Variants in PTPRN2 observed in about 807,000 individuals in gnomAD.
PTPRN2 encodes the protein receptor-type tyrosine-protein phosphatase N2.
PTPRN2 carries 74 observed loss-of-function variants against 118.8 expected under a neutral mutation model. The observed-to-expected ratio is 0.62, with a 90% CI of 0.52 to 0.76. The LOEUF (loss-of-function observed/expected upper bound fraction) is 0.76. Among genes scored for constraint, PTPRN2 ranks in the 30% least tolerant of loss-of-function variants. PTPRN2 has a pLI of 0.00. For synonymous variants in PTPRN2, 641 were observed against 608.0 expected, an observed-to-expected ratio of 1.05 and a Z score of -0.80; for missense variants, 1,481 against 1,394.4, an observed-to-expected ratio of 1.06 and a Z score of -0.99.
chr7:158,081,506 G>C, intron 10 of PTPRN2, 129 bp from the exon 11 acceptor site: 2 of 810,766 alleles, frequency 2.5e-6, no homozygotes, highest in Non-Finnish European at 4.1e-6. Context: ...GGCTCCAGGC[G>C]TCGACTCCAC....
At chr7:158,146,802 C>T (rs578203829) in intron 6 of PTPRN2, among the ~76,000 whole-genome samples, 2 of 151,816 alleles carry the variant, frequency 1.3e-5, no homozygotes, top group Admixed American at 1.3e-4. Context: ...ATTGTTCTCA[C>T]ACCAGCACAG....
At chr7:158,021,468 A>T (rs1337442945) in intron 11 of PTPRN2, among the ~76,000 whole-genome samples, 1 of 152,150 alleles carries the variant, frequency 6.6e-6, no homozygotes, top group Non-Finnish European at 1.5e-5. Flanking sequence ...GTGTGTATGC[A>T]CCCACGCACA....
intron 11 of PTPRN2, among the ~76,000 whole-genome samples, chr7:157,928,755 A>T (rs1180887691): frequency 6.9e-6 from 1 of 145,172 alleles, no homozygotes; most frequent in Non-Finnish European, 1.5e-5. Context: ...AGGGTGGGAG[A>T]TAGGGATGGG....
At chr7:157,595,688 G>A (rs897311824) in intron 16 of PTPRN2, among the ~76,000 whole-genome samples, 2 of 152,110 alleles carry the variant, frequency 1.3e-5, no homozygotes, top group African/African-American at 2.4e-5. Flanking sequence ...AGGGAGCCTG[G>A]AGGTTAGGAA....
intron 2 of PTPRN2, among the ~76,000 whole-genome samples, chr7:158,333,281 C>G (rs1304536647): frequency 7.5e-6 from 1 of 133,650 alleles, no homozygotes; most frequent in Admixed American, 7.1e-5. Context: ...CACACCCACA[C>G]TCTCACCATA....
intron 2 of PTPRN2, among the ~76,000 whole-genome samples, chr7:158,466,314 C>A (rs557267927): frequency 6.6e-6 from 1 of 152,254 alleles, no homozygotes; most frequent in East Asian, 1.9e-4. Context: ...TCTCATTCCT[C>A]GCCACTCCCA....
At chr7:157,695,837 C>T (rs534776397) in intron 12 of PTPRN2, among the ~76,000 whole-genome samples, 59 of 152,322 alleles carry the variant, frequency 3.9e-4, no homozygotes, top group African/African-American at 7.7e-4. Flanking sequence ...GAGCCCTCAC[C>T]GTCTACCCGT....
At chr7:157,993,474 C>T (rs1271808368) in intron 11 of PTPRN2, among the ~76,000 whole-genome samples, 3 of 152,050 alleles carry the variant, frequency 2.0e-5, no homozygotes. Flanking sequence ...ACGCGTCCAC[C>T]CAGGGCCAGG....
In PTPRN2 at chr7:158,536,264, A is replaced by G. The variant is rs541690726; in HGVS notation, c.113-46479T>C. 2.0e-5 allele frequency among the ~76,000 whole-genome samples: 3 copies of G among 152,332 alleles called. No homozygotes were observed. In the East Asian group the frequency reaches 5.8e-4, roughly 29 times the overall value. On this transcript the variant is annotated intron_variant, in intron 1 of 22. Transcript: ENST00000389418. Reference sequence around the variant, plus strand: ...GGCTAGACAGAGGCTTGCCTAATGAAAGTGATTGTCTTAGATTTGAAACTT... The same window carrying G: ...GGCTAGACAGAGGCTTGCCTAATGAGAGTGATTGTCTTAGATTTGAAACTT...
intron 2 of PTPRN2, among the ~76,000 whole-genome samples, chr7:158,366,121 G>A (rs1488625215): frequency 7.2e-6 from 1 of 138,300 alleles, no homozygotes; most frequent in African/African-American, 2.8e-5. Context: ...GCAGCCCAAT[G>A]CACGCGTGCA....
chr7:158,430,340 G>A (rs191164190), intron 2 of PTPRN2, among the ~76,000 whole-genome samples: 245 of 152,330 alleles, frequency 1.6e-3, no homozygotes, highest in African/African-American at 5.6e-3. Flanking sequence ...GCCTGCTGGC[G>A]CTCACAGGCT....
chr7:158,541,946 A>G (rs1005828781), intron 1 of PTPRN2, among the ~76,000 whole-genome samples: 1 of 152,276 alleles, frequency 6.6e-6, no homozygotes, highest in African/African-American at 2.4e-5. Context: ...AGAAAACAGC[A>G]AGGCTTTATT....
intron 2 of PTPRN2, among the ~76,000 whole-genome samples, chr7:158,406,256 C>T (rs1285804650): frequency 1.1e-4 from 15 of 138,064 alleles, no homozygotes; most frequent in African/African-American, 3.8e-4. Context: ...GTGGCTCATC[C>T]GTGAGACATT....
rs2128778613 is a variant in PTPRN2 at position 157,929,765 on chromosome 7, C to A, written c.1724-31028G>T. Among the ~76,000 whole-genome samples the A allele has an allele frequency of 1.3e-5, 2 of 152,234 alleles. No homozygotes were observed. The highest frequency in any genetic ancestry group is 3.4e-3 in the Middle Eastern group (1 of 294). ...GTGCTGCTGTTGAGATGAATGGTGC[C>A]AGAAGGGAGTCTTTCCAAGTGCCCT... On this transcript the variant is annotated intron_variant, in intron 11 of 22. Transcript: ENST00000389418. The surrounding 1 kb of genome is among the most constrained non-coding windows in gnomAD (Gnocchi z 4.4).
chr7:158,458,230 C>A (rs541923556), intron 2 of PTPRN2, among the ~76,000 whole-genome samples: 1 of 152,144 alleles, frequency 6.6e-6, no homozygotes, highest in Admixed American at 6.5e-5. Context: ...GTTATTTCCC[C>A]GACATCTGGT....
chr7:158,398,888 C>A (rs1454117309), intron 2 of PTPRN2, among the ~76,000 whole-genome samples: 1 of 152,194 alleles, frequency 6.6e-6, no homozygotes, highest in African/African-American at 2.4e-5. Flanking sequence ...TTCATCAGAT[C>A]AGTATTATGT....
rs548802817 is a variant in PTPRN2, at chr7:157,780,388, C to T, written c.1789-97451G>A. ...ATCTGTCAGTTTATATAAGGGGTGG[C>T]GGCTGCTCAGCGAGGCCTCAGGAGT... is the stretch of plus-strand genomic sequence containing the variant. On this transcript the variant is annotated intron_variant, in intron 12 of 22. Transcript: ENST00000389418. This position sits in a 1 kb window ranked among gnomAD's most constrained non-coding sequence, Gnocchi z 4.5. Among the ~76,000 whole-genome samples, 7 of 152,280 alleles carry T rather than the reference C, an allele frequency of 4.6e-5. No individual in the cohort carries two copies. The highest frequency in any genetic ancestry group is 1.4e-4 in the African/African-American group (6 of 41,574).
In PTPRN2 at chr7:157,543,862, A is replaced by G. The variant is rs140200238; in HGVS notation, c.2977-3077T>C. Among the ~76,000 whole-genome samples the G allele has an allele frequency of 2.8e-3, 434 of 152,350 alleles. 1 individual carries two copies. The highest frequency in any genetic ancestry group is 9.9e-3 in the African/African-American group (413 of 41,584). ...TTTTCACAAAAGTAGACAAGCTCCA[A>G]GCCACACCGTGAGAGTTGAGCCCTG... On this transcript the variant is annotated intron_variant, in intron 22 of 22. Coordinates refer to ENST00000389418, the MANE Select transcript of PTPRN2 (RefSeq NM_002847.5).
intron 12 of PTPRN2, among the ~76,000 whole-genome samples, chr7:157,846,752 G>A (rs529219391): frequency 6.6e-5 from 10 of 150,582 alleles, no homozygotes; most frequent in South Asian, 6.3e-4. Context: ...TCCATCATGC[G>A]TGCCCGATGT....
Sources: gnomAD v4.1 joint callset for allele counts (sites outside exome capture counted in the v4.1 genomes callset) on GRCh38, gnomAD v4.1.1 for gene constraint, Gnocchi (gnomAD v3.1) non-coding constraint, MANE v1.5 for transcripts, NCBI Gene and HGNC (gene_info 2026-07-23, HGNC 2026-07-21) for gene names.